Variants in PITPNA observed in about 807,000 individuals in gnomAD.
PITPNA encodes the protein phosphatidylinositol transfer protein alpha, also known as phosphatidylinositol transfer protein alpha isoform.
In PITPNA, 13 loss-of-function variants were observed where a neutral mutation model predicts 50.3. The observed-to-expected ratio is 0.26, with a 90% CI of 0.17 to 0.41. The LOEUF is 0.41. Among genes scored for constraint, PITPNA ranks in the 10% least tolerant of loss-of-function variants. The pLI is 1.00. For synonymous variants in PITPNA, 120 were observed against 119.6 expected, an observed-to-expected ratio of 1.00 and a Z score of -0.02; for missense variants, 207 against 333.4, an observed-to-expected ratio of 0.62 and a Z score of 2.95.
intron 7 of PITPNA, among the ~76,000 whole-genome samples, chr17:1,538,090 G>A (rs1385507514): frequency 6.6e-6 from 1 of 152,160 alleles, no homozygotes; most frequent in African/African-American, 2.4e-5. Flanking sequence ...GTGAGCCACC[G>A]TGCCAGGCCC....
chr17:1,536,496 A>G (rs865941050), intron 7 of PITPNA, among the ~76,000 whole-genome samples: 44 of 151,714 alleles, frequency 2.9e-4, no homozygotes, highest in East Asian at 1.4e-3. Context: ...TCACCGTGTT[A>G]GCCAGGATGG....
At chr17:1,532,443 G>T (rs1287361749) in intron 10 of PITPNA, among the ~76,000 whole-genome samples, 1 of 152,172 alleles carries the variant, frequency 6.6e-6, no homozygotes, top group Non-Finnish European at 1.5e-5. Flanking sequence ...AACACTGAGG[G>T]CTCTCAAAGT....
At chr17:1,541,466 C>T in intron 6 of PITPNA, 100 bp downstream of exon 6, 1 of 849,422 alleles carries the variant, frequency 1.2e-6, no homozygotes, top group Non-Finnish European at 2.0e-6. Context: ...CCCGGCCAGG[C>T]AAAAGAGGAC....
intron 10 of PITPNA, among the ~76,000 whole-genome samples, chr17:1,524,265 C>T (rs62087961): frequency 0.37 from 55,762 of 149,494 alleles, 10,723 homozygotes; most frequent in African/African-American, 0.47. Context: ...AGGATGGTCT[C>T]CATGTCCTGA....
chr17:1,537,070 GT>G (rs2075622514), intron 7 of PITPNA, among the ~76,000 whole-genome samples: 1 of 143,916 alleles, frequency 6.9e-6, no homozygotes, highest in Non-Finnish European at 1.5e-5. Context: ...AGCTAATTTT[GT>G]ATTTTTTTTT....
intron 1 of PITPNA, 127 bp from the exon 2 acceptor site, chr17:1,558,686 C>T (rs1316212736): frequency 1.1e-5 from 8 of 709,746 alleles, no homozygotes; most frequent in Non-Finnish European, 2.0e-5. Flanking sequence ...TGACGAAAAC[C>T]CCACAGAGAA....
chr17:1,545,942 T>TTTTTA (rs1343399914), intron 4 of PITPNA, among the ~76,000 whole-genome samples: 53 of 115,226 alleles, frequency 4.6e-4, no homozygotes, highest in African/African-American at 1.7e-3. Context: ...TTTTTTTTTT[T>TTTTTA]AATAAACGGA....
At position 1,533,803 on chromosome 17, in the gene PITPNA, C is replaced by T. The variant is rs577475542; in HGVS notation, c.768+296G>A. On this transcript the variant is annotated intron_variant, in intron 10 of 11. Coordinates refer to ENST00000313486, the MANE Select transcript of PITPNA (RefSeq NM_006224.4). ...AGCTCTGCAGCCCCGCACGCTCTTT[C>T]CCACCAGGCTCTGAAGCATCGCTGT... Among the ~76,000 whole-genome samples, 8 of 152,308 alleles carry T rather than the reference C, an allele frequency of 5.3e-5. No homozygotes were observed. In the South Asian group the frequency reaches 1.7e-3, roughly 32 times the overall value.
At chr17:1,525,998 A>G (rs983037437) in intron 10 of PITPNA, among the ~76,000 whole-genome samples, 2 of 152,244 alleles carry the variant, frequency 1.3e-5, no homozygotes, top group African/African-American at 2.4e-5. Context: ...ACCAGCAACC[A>G]GATCTCATTT....
At position 1,548,396 on chromosome 17, in the gene PITPNA, G is replaced by C. The variant is rs750487962; in HGVS notation, c.198-9C>G. The C allele has an allele frequency of 3.8e-6, 6 of 1,561,366 alleles. No individual in the cohort carries two copies. The East Asian group carries it at 9.2e-5, about 24-fold the overall frequency. On this transcript the variant is annotated splice_polypyrimidine_tract_variant and intron_variant, in intron 3 of 11. Transcript: ENST00000313486. Reference sequence around the variant, plus strand: ...CAAACGTGGGTACTTTGCTATAGCGGGGAAAAAAAGGGGTATAAAGAGAAA... The same window carrying C: ...CAAACGTGGGTACTTTGCTATAGCGCGGAAAAAAAGGGGTATAAAGAGAAA...
chr17:1,551,031 G>C (rs2075705829), intron 3 of PITPNA, among the ~76,000 whole-genome samples: 1 of 149,162 alleles, frequency 6.7e-6, no homozygotes, highest in Non-Finnish European at 1.5e-5. Context: ...AGCGGGACCT[G>C]ATGGGACACG....
intron 3 of PITPNA, among the ~76,000 whole-genome samples, chr17:1,551,546 G>A (rs2075709357): frequency 6.6e-6 from 1 of 152,106 alleles, no homozygotes; most frequent in African/African-American, 2.4e-5. Context: ...ATCCGTCTCG[G>A]CCTCCCAAAG....
chr17:1,541,724 CT>C lies in PITPNA; in HGVS notation c.298-85del, dbSNP rs1482531753. On this transcript the variant is annotated intron_variant, in intron 5 of 11. Coordinates refer to ENST00000313486, the MANE Select transcript of PITPNA (RefSeq NM_006224.4). ...CTCCCATTACTGGAGATGGGCATTACTGGATCATGGGCAGCTAGGAGATTCC... is the reference window on the plus strand; with the variant it reads ...CTCCCATTACTGGAGATGGGCATTACGGATCATGGGCAGCTAGGAGATTCC... The C allele has an allele frequency of 3.4e-6, 3 of 872,028 alleles. No individual in the cohort carries two copies. In the Admixed American group the frequency reaches 5.9e-5, roughly 17 times the overall value. The allele number at this position is 872,028 out of a possible 1,614,324, so 54.0% of individuals were successfully genotyped here. A position where few individuals can be genotyped will look rare whatever the true frequency, so the allele number is the denominator to read the frequency against.
At chr17:1,545,350 A>C (rs1598410230) in intron 4 of PITPNA, among the ~76,000 whole-genome samples, 2 of 152,370 alleles carry the variant, frequency 1.3e-5, no homozygotes, top group Admixed American at 1.3e-4. Context: ...GGATCTACTG[A>C]GGCCAAGCTA....
chr17:1,537,667 C>G (rs1409739967), intron 7 of PITPNA, among the ~76,000 whole-genome samples: 1 of 152,190 alleles, frequency 6.6e-6, no homozygotes, highest in African/African-American at 2.4e-5. Flanking sequence ...ATTCACTTTG[C>G]TGTATATGTT....
At position 1,562,679 on chromosome 17, in the gene PITPNA, C is replaced by T; in HGVS notation, c.-119G>A. On this transcript the variant is annotated 5_prime_UTR_variant, in exon 1 of 12. Coordinates refer to ENST00000313486, the MANE Select transcript of PITPNA (RefSeq NM_006224.4). This position sits in a 1 kb window ranked among gnomAD's most constrained non-coding sequence, Gnocchi z 6.4. ...GCCTGTGCGTCTTCGTCGTGCTCTGCTCCGTCCCCGCCGCCCTCGCCGCGG... is the reference window on the plus strand; with the variant it reads ...GCCTGTGCGTCTTCGTCGTGCTCTGTTCCGTCCCCGCCGCCCTCGCCGCGG... The T allele has an allele frequency of 7.8e-6, 5 of 642,418 alleles. No homozygotes were observed. The highest frequency in any genetic ancestry group is 1.0e-5 in the Non-Finnish European group (5 of 491,414). 39.8% of individuals were successfully genotyped at this position (642,418 alleles called of 1,614,324 possible).
At chr17:1,545,386 C>T (rs936188556) in intron 4 of PITPNA, among the ~76,000 whole-genome samples, 1 of 152,224 alleles carries the variant, frequency 6.6e-6, no homozygotes, top group Non-Finnish European at 1.5e-5. Context: ...TAACCTCTCT[C>T]CCATCAGCCC....
chr17:1,558,308 C>T (rs1031603473), intron 2 of PITPNA, among the ~76,000 whole-genome samples: 3 of 151,616 alleles, frequency 2.0e-5, no homozygotes, highest in African/African-American at 7.3e-5. Flanking sequence ...CTCTACTCAT[C>T]CAGCATACCA....
At chr17:1,521,770 A>G (rs73294784) in intron 10 of PITPNA, 125 bp from the exon 11 acceptor site, 77,961 of 744,604 alleles carry the variant, frequency 0.1, 4,574 homozygotes, top group Middle Eastern at 0.14. Flanking sequence ...GGAAGGACGG[A>G]AGAATTCTGC....
Sources: allele counts gnomAD v4.1 joint callset (sites outside exome capture counted in the v4.1 genomes callset), GRCh38; gene constraint gnomAD v4.1.1; non-coding constraint Gnocchi (gnomAD v3.1); transcripts MANE v1.5; gene names NCBI Gene and HGNC (gene_info 2026-07-23, HGNC 2026-07-21).